GPD2: variants seen among roughly 807,000 people sequenced by gnomAD.
GPD2 encodes the protein glycerol-3-phosphate dehydrogenase 2.
Under a neutral mutation model 82.4 loss-of-function variants are expected in GPD2, and 54 were observed. That is an observed-to-expected ratio of 0.66 (90% CI 0.53 to 0.82). GPD2 has a LOEUF of 0.82. GPD2 is among the 40% of genes least tolerant of loss of function. GPD2 has a pLI of 0.00. For missense variants in GPD2, 748 were observed against 896.2 expected, an observed-to-expected ratio of 0.83 and a Z score of 2.11; for synonymous variants, 288 against 306.1, an observed-to-expected ratio of 0.94 and a Z score of 0.62.
Position 156,584,264 on chromosome 2 carries a change from C to G in GPD2, c.*1346C>G, listed in dbSNP as rs957321608. 6.6e-6 allele frequency: 1 copy of G among 151,936 alleles called. No homozygotes were observed. The highest frequency in any genetic ancestry group is 2.4e-5 in the African/African-American group (1 of 41,380). 9.4% of individuals were successfully genotyped at this position (151,936 alleles called of 1,614,324 possible). A position where few individuals can be genotyped will look rare whatever the true frequency, so the allele number is the denominator to read the frequency against. ...ATCGTACTTCCTCTTGTAAAGTTAA[C>G]TACTTACTTTTTTGTTGTTGTTTTT... is the stretch of plus-strand genomic sequence containing the variant. On this transcript the variant is annotated 3_prime_UTR_variant, in exon 17 of 17. Transcript: ENST00000438166.
intron 1 of GPD2, among the ~76,000 whole-genome samples, chr2:156,437,796 T>C (rs1682004628): frequency 6.6e-6 from 1 of 152,214 alleles, no homozygotes; most frequent in South Asian, 2.1e-4. Context: ...AATGGCTTGG[T>C]TCAGGAATTG....
intron 8 of GPD2, among the ~76,000 whole-genome samples, chr2:156,554,188 G>C (rs546312368): frequency 1.3e-5 from 2 of 152,266 alleles, no homozygotes; most frequent in East Asian, 3.9e-4. Context: ...TCATTCTCTT[G>C]GGTGATATTA....
intron 3 of GPD2, among the ~76,000 whole-genome samples, chr2:156,500,938 C>T (rs527592651): frequency 6.6e-6 from 1 of 152,314 alleles, no homozygotes; most frequent in South Asian, 2.1e-4. Flanking sequence ...ACCTCTGTGT[C>T]CCGTTCTAGG....
chr2:156,488,886 T>C (rs1684045456), intron 2 of GPD2, among the ~76,000 whole-genome samples: 1 of 152,202 alleles, frequency 6.6e-6, no homozygotes, highest in South Asian at 2.1e-4. Flanking sequence ...TAATTAAATA[T>C]AATAGAAATA....
the GPD2 span, among the ~76,000 whole-genome samples, chr2:156,418,941 T>C: frequency 6.6e-6 from 1 of 151,888 alleles, no homozygotes; most frequent in African/African-American, 2.4e-5. Flanking sequence ...GATAAAGGCT[T>C]AGGGAGAGAC....
intron 1 of GPD2, among the ~76,000 whole-genome samples, chr2:156,451,751 C>A (rs1179253208): frequency 6.6e-6 from 1 of 150,502 alleles, no homozygotes; most frequent in East Asian, 2.0e-4. Context: ...GGGCTGACCC[C>A]CCCACCTCCC....
intron 1 of GPD2, among the ~76,000 whole-genome samples, chr2:156,454,653 G>C (rs1485283543): frequency 6.6e-6 from 1 of 152,154 alleles, no homozygotes; most frequent in Non-Finnish European, 1.5e-5. Context: ...GAATTTAATG[G>C]AATTTGCTGG....
the GPD2 span, among the ~76,000 whole-genome samples, chr2:156,423,845 TTA>T: frequency 6.6e-6 from 1 of 152,200 alleles, no homozygotes; most frequent in Non-Finnish European, 1.5e-5. Context: ...CCACTGCCCT[TTA>T]TCTCCTACCG....
At chr2:156,401,184 G>A in the GPD2 span, among the ~76,000 whole-genome samples, 1 of 152,180 alleles carries the variant, frequency 6.6e-6, no homozygotes, top group African/African-American at 2.4e-5. Context: ...CTCCCGCGTG[G>A]CAGGCGAGAA....
chr2:156,558,467 T>C (rs1340454272), intron 9 of GPD2, among the ~76,000 whole-genome samples: 2 of 152,212 alleles, frequency 1.3e-5, no homozygotes, highest in African/African-American at 4.8e-5. Flanking sequence ...AGTCTAATCC[T>C]TCTACCAGAA....
At chr2:156,402,713 G>C in the GPD2 span, among the ~76,000 whole-genome samples, 1 of 151,728 alleles carries the variant, frequency 6.6e-6, no homozygotes. Flanking sequence ...GAGGTGTCTC[G>C]CTATGTTAGC....
chr2:156,418,368 C>T, the GPD2 span, among the ~76,000 whole-genome samples: 5 of 149,648 alleles, frequency 3.3e-5, no homozygotes, highest in South Asian at 2.1e-4. Context: ...CCGGCCTGGG[C>T]GACAGAAATA....
rs1688185993 is a variant in GPD2, at chr2:156,585,486, G to C, written c.*2568G>C. 2 of 152,424 alleles carry C rather than the reference G, an allele frequency of 1.3e-5. No homozygotes were observed. Among genetic ancestry groups the C allele is most frequent in the South Asian group, 4.2e-4 (2 of 4,818 alleles). The allele number at this position is 152,424 out of a possible 1,614,324, so 9.4% of individuals were successfully genotyped here. On this transcript the variant is annotated 3_prime_UTR_variant, in exon 17 of 17. Coordinates refer to ENST00000438166, the MANE Select transcript of GPD2 (RefSeq NM_000408.5). ...AGTCATAACAATAATGATAATGCTGGATTATTTGTTAAGCCAAGGTTGTCT... is the reference window on the plus strand; with the variant it reads ...AGTCATAACAATAATGATAATGCTGCATTATTTGTTAAGCCAAGGTTGTCT...
chr2:156,542,339 C>A (rs1052454042), intron 6 of GPD2, among the ~76,000 whole-genome samples: 5 of 152,030 alleles, frequency 3.3e-5, no homozygotes, highest in African/African-American at 1.2e-4. Flanking sequence ...TTAATTGTAC[C>A]TTTGTATTTA....
chr2:156,558,765 C>CTT (rs34524248), intron 9 of GPD2, among the ~76,000 whole-genome samples: 501 of 40,878 alleles, frequency 0.012, 46 homozygotes, highest in African/African-American at 0.052. Context: ...GCCCAGCTAA[C>CTT]TTTTTTTTTT....
chr2:156,543,723 G>A (rs1201108694), intron 6 of GPD2, among the ~76,000 whole-genome samples: 1 of 152,124 alleles, frequency 6.6e-6, no homozygotes, highest in African/African-American at 2.4e-5. Context: ...AGAAATCAGA[G>A]GTGTGGAAGA....
At chr2:156,562,656 G>A (rs1024414232) in intron 9 of GPD2, among the ~76,000 whole-genome samples, 1 of 151,922 alleles carries the variant, frequency 6.6e-6, no homozygotes, top group Non-Finnish European at 1.5e-5. Context: ...GTCACTTCCT[G>A]TGGGCTTTAT....
At chr2:156,419,635 A>T in the GPD2 span, among the ~76,000 whole-genome samples, 2 of 151,962 alleles carry the variant, frequency 1.3e-5, no homozygotes, top group Non-Finnish European at 2.9e-5. Context: ...GTTTTCTTTC[A>T]TAATCATCAT....
intron 16 of GPD2, among the ~76,000 whole-genome samples, 176 bp from the exon 17 acceptor site, chr2:156,582,617 C>T (rs1271727108): frequency 6.6e-6 from 1 of 151,920 alleles, no homozygotes; most frequent in Non-Finnish European, 1.5e-5. Context: ...TGCCTCTTCC[C>T]CTCTTTTGGA....
Sources: allele counts gnomAD v4.1 joint callset (sites outside exome capture counted in the v4.1 genomes callset), GRCh38; gene constraint gnomAD v4.1.1; transcripts MANE v1.5; gene names NCBI Gene and HGNC (gene_info 2026-07-23, HGNC 2026-07-21).